Variants in ADAMTS20 observed in about 807,000 individuals in gnomAD.
ADAMTS20 encodes the protein A disintegrin and metalloproteinase with thrombospondin motifs 20.
A neutral mutation model predicts 260.1 loss-of-function variants in ADAMTS20; 225 were observed. That is an observed-to-expected ratio of 0.87 (90% confidence interval 0.78 to 0.97). The LOEUF is 0.97. Among genes scored for constraint, ADAMTS20 ranks in the 50% least tolerant of loss-of-function variants. ADAMTS20 has a pLI of 0.00. For synonymous variants in ADAMTS20, 802 were observed against 769.5 expected (o/e 1.04, Z -0.70); for missense variants, 2,400 against 2,337.7 (o/e 1.03, Z -0.55).
At chr12:43,428,132 T>G in intron 26 of ADAMTS20, 109 bp downstream of exon 26, 2 of 1,129,190 alleles carry the variant, frequency 1.8e-6, no homozygotes, top group South Asian at 3.2e-5. Context: ...CTATTGATCT[T>G]GAAATAAATT....
chr12:43,435,653 A>AAC (rs1941538272), intron 18 of ADAMTS20, among the ~76,000 whole-genome samples: 3 of 143,158 alleles, frequency 2.1e-5, no homozygotes, highest in Non-Finnish European at 3.0e-5. Flanking sequence ...AAAAAAAAAA[A>AAC]AAAACAAAAA....
chr12:43,401,881 C>T (rs1054620308), intron 28 of ADAMTS20, among the ~76,000 whole-genome samples: 13 of 151,812 alleles, frequency 8.6e-5, no homozygotes, highest in African/African-American at 3.1e-4. Context: ...TTTCACCATG[C>T]AAACCTTTGC....
Position 43,552,013 on chromosome 12 carries a change from C to G in ADAMTS20, c.-92G>C. ...TCGCGCTCCGATCCCTCTCCTCCCT[C>G]TCGCCCGCCGCTCTCCGCGCCTCAG... is the stretch of plus-strand genomic sequence containing the variant. On this transcript the variant is annotated 5_prime_UTR_variant, in exon 1 of 39. Coordinates refer to ENST00000389420, the MANE Select transcript of ADAMTS20 (RefSeq NM_025003.5). 2 of 1,072,662 alleles carry G rather than the reference C, an allele frequency of 1.9e-6. No homozygotes were observed. The highest frequency in any genetic ancestry group is 1.3e-5 in the South Asian group (1 of 75,150). 66.4% of individuals were successfully genotyped at this position (1,072,662 alleles called of 1,614,324 possible).
chr12:43,549,123 AT>A (rs1196552716), intron 2 of ADAMTS20, among the ~76,000 whole-genome samples: 5 of 151,906 alleles, frequency 3.3e-5, no homozygotes, highest in African/African-American at 7.2e-5. Context: ...GATTGATTTC[AT>A]TTTTTATTAA....
chr12:43,460,988 A>ATATATTTTTTTTTTT, intron 11 of ADAMTS20, among the ~76,000 whole-genome samples: 2 of 26,394 alleles, frequency 7.6e-5, no homozygotes, highest in African/African-American at 2.6e-4. Context: ...ATATATATAT[A>ATATATTTTTTTTTTT]TTTTTTTTTT....
chr12:43,381,272 T>C (rs1940344017), intron 31 of ADAMTS20, among the ~76,000 whole-genome samples: 1 of 152,116 alleles, frequency 6.6e-6, no homozygotes, highest in Non-Finnish European at 1.5e-5. Context: ...AAAGAAAACA[T>C]AGATATATAT....
chr12:43,493,201 A>C lies in ADAMTS20; in HGVS notation c.920T>G (p.Val307Gly). 2 of 1,562,916 alleles carry C rather than the reference A, an allele frequency of 1.3e-6. No homozygotes were observed. Among genetic ancestry groups the C allele is most frequent in the Non-Finnish European group, 1.7e-6 (2 of 1,152,504 alleles). ...PSIGNLIHIVVVKLVMIHREE... is the reference protein window; with the variant it reads ...PSIGNLIHIVGVKLVMIHREE... The stretch of plus-strand genomic sequence containing the variant: ...ACGGTGAATCATAACTAATTTTACC[A>C]CTACTATGTGTATCAAATTTCCAAT... The change falls in exon 5 of 39, where the codon GTG (valine) becomes GGG (glycine). Residue 307 changes from valine to glycine, a missense_variant. Val to Gly is a moderately radical substitution (Grantham distance 109). Transcript: ENST00000389420.
intron 5 of ADAMTS20, 136 bp from the exon 6 acceptor site, chr12:43,492,765 T>A: frequency 1.1e-6 from 1 of 925,966 alleles, no homozygotes; most frequent in Non-Finnish European, 1.6e-6. Flanking sequence ...CTCTTCTTCA[T>A]ATATTAACTA....
chr12:43,450,885 T>A (rs953765147), intron 14 of ADAMTS20, among the ~76,000 whole-genome samples: 3 of 152,086 alleles, frequency 2.0e-5, no homozygotes, highest in African/African-American at 7.2e-5. Context: ...TGACAGCACA[T>A]AACATCCACT....
chr12:43,453,992 A>G lies in ADAMTS20; in HGVS notation c.1675T>C (p.Trp559Arg). ...ETETRPVNGE[W>R]GPWEPYSSCS... ...GAACTGTAAGGTTCCCATGGTCCCC[A>G]TTCACCATTTACAGGACGTGTTTCC... Residue 559 changes from tryptophan (W) to arginine (R), a missense_variant, in exon 12 of 39, where the codon TGG becomes CGG. By Grantham distance (101) the Trp-to-Arg change is moderately radical (BLOSUM62 -3). Coordinates refer to ENST00000389420, the MANE Select transcript of ADAMTS20 (RefSeq NM_025003.5). 1.2e-6 allele frequency: 2 copies of G among 1,613,784 alleles called. No homozygotes were observed. Among genetic ancestry groups the G allele is most frequent in the Non-Finnish European group, 1.7e-6 (2 of 1,179,796 alleles).
At chr12:43,441,232 T>C (rs1941660758) in intron 16 of ADAMTS20, among the ~76,000 whole-genome samples, 1 of 152,040 alleles carries the variant, frequency 6.6e-6, no homozygotes, top group Admixed American at 6.5e-5. Context: ...TATTTCCTTC[T>C]CTGTTCATGT....
At chr12:43,371,595 C>T (rs1468727683) in intron 36 of ADAMTS20, among the ~76,000 whole-genome samples, 1 of 152,010 alleles carries the variant, frequency 6.6e-6, no homozygotes, top group East Asian at 1.9e-4. Flanking sequence ...AGCAGAGACC[C>T]AAAAGAAATG....
chr12:43,395,547 AT>A (rs1940682700), intron 29 of ADAMTS20, among the ~76,000 whole-genome samples: 1 of 151,942 alleles, frequency 6.6e-6, no homozygotes, highest in Non-Finnish European at 1.5e-5. Flanking sequence ...GGATTTTGGA[AT>A]TTATATCACC....
intron 7 of ADAMTS20, among the ~76,000 whole-genome samples, chr12:43,477,066 A>C (rs1010394983): frequency 2.0e-5 from 3 of 151,654 alleles, no homozygotes; most frequent in Non-Finnish European, 4.4e-5. Context: ...AAAAAAAAAA[A>C]AAACAATTAC....
At chr12:43,405,457 T>A (rs1940901834) in intron 28 of ADAMTS20, among the ~76,000 whole-genome samples, 1 of 131,558 alleles carries the variant, frequency 7.6e-6, no homozygotes, top group Non-Finnish European at 1.6e-5. Context: ...ATAATAATAA[T>A]AATAAATTAA....
intron 18 of ADAMTS20, among the ~76,000 whole-genome samples, chr12:43,435,861 G>T (rs1040333807): frequency 1.3e-5 from 2 of 151,974 alleles, no homozygotes; most frequent in Non-Finnish European, 2.9e-5. Context: ...AAGAGAAGTG[G>T]TCATAACTGA....
chr12:43,516,368 G>C (rs540534463), intron 3 of ADAMTS20, among the ~76,000 whole-genome samples: 1 of 152,286 alleles, frequency 6.6e-6, no homozygotes, highest in East Asian at 1.9e-4. Flanking sequence ...CAAATAATTA[G>C]AATTACTGCT....
At chr12:43,460,467 A>T (rs558026680) in intron 11 of ADAMTS20, among the ~76,000 whole-genome samples, 1 of 152,188 alleles carries the variant, frequency 6.6e-6, no homozygotes, top group Non-Finnish European at 1.5e-5. Context: ...ATACAGAGTA[A>T]TTGGAACTTT....
At chr12:43,472,864 A>G (rs1942289043) in intron 7 of ADAMTS20, among the ~76,000 whole-genome samples, 1 of 149,228 alleles carries the variant, frequency 6.7e-6, no homozygotes, top group Non-Finnish European at 1.5e-5. Flanking sequence ...AACAACCGGT[A>G]CCAGCCACTG....
Sources: gnomAD v4.1 joint callset for allele counts (sites outside exome capture counted in the v4.1 genomes callset) on GRCh38, gnomAD v4.1.1 for gene constraint, MANE v1.5 for transcripts, NCBI Gene and HGNC (gene_info 2026-07-23, HGNC 2026-07-21) for gene names.